Variants in DDN observed in about 807,000 individuals in gnomAD.
The protein encoded by DDN is dendrin.
In DDN, 4 loss-of-function variants were observed where a neutral mutation model predicts 7.3. The observed-to-expected ratio is 0.55, with a 90% CI of 0.27 to 1.25. DDN has a LOEUF of 1.25. DDN is among the 50% of genes most tolerant of loss of function. The probability of loss-of-function intolerance (pLI) is 0.12; values close to 1 mark genes in which losing one functional copy is unlikely to be tolerated. For synonymous variants in DDN, 425 were observed against 424.3 expected, an observed-to-expected ratio of 1.00 and a Z score of -0.02; for missense variants, 933 against 974.7, an observed-to-expected ratio of 0.96 and a Z score of 0.57.
At position 48,999,358 on chromosome 12, in the gene DDN, G is replaced by C; in HGVS notation, c.-71C>G. ...GAGCCCCCTCCCAGCCCAGGGAGCC[G>C]GCGCCCACTGCAGAGCCGCGGGCCC... On this transcript the variant is annotated 5_prime_UTR_variant, in exon 1 of 2. Coordinates refer to ENST00000421952, the MANE Select transcript of DDN (RefSeq NM_015086.2). The C allele has an allele frequency of 7.3e-7, 1 of 1,377,258 alleles. No homozygotes were observed. Among genetic ancestry groups the C allele is most frequent in the Non-Finnish European group, 9.6e-7 (1 of 1,038,838 alleles). The allele number at this position is 1,377,258 out of a possible 1,614,324, so 85.3% of individuals were successfully genotyped here.
rs1176659195 is a variant in DDN, at chr12:48,997,378, C to G, written c.1498G>C (p.Gly500Arg). ...PSQSKPGKEE[G>R]EGATVFPSPC... ...GAAGGAAAGACCGTGGCCCCTTCAC[C>G]CTCCTCCTTGCCGGGCTTCGATTGG... Residue 500 changes from glycine (G) to arginine (R), a missense_variant, in exon 2 of 2, where the codon GGT (glycine) becomes CGT (arginine). Transcript: ENST00000421952. 6.2e-7 allele frequency: 1 copy of G among 1,613,724 alleles called. No homozygotes were observed. Among genetic ancestry groups the G allele is most frequent in the African/African-American group, 1.3e-5 (1 of 75,078 alleles).
chr12:48,999,039 C>G, intron 1 of DDN, 40 bp downstream of exon 1: 1 of 1,607,554 alleles, frequency 6.2e-7, no homozygotes, highest in Non-Finnish European at 8.5e-7. Flanking sequence ...CCCCACTCCC[C>G]GCCCCACCAC....
In DDN at chr12:48,997,153, G is replaced by A. The variant is rs1167411232; in HGVS notation, c.1723C>T (p.Pro575Ser). Residue 575 changes from proline (P) to serine (S), a missense_variant, in exon 2 of 2, where the codon CCA (proline) becomes TCA (serine). Physicochemically the swap from Pro to Ser is moderately conservative, Grantham distance 74. Coordinates refer to ENST00000421952, the MANE Select transcript of DDN (RefSeq NM_015086.2). ...CTGCCCTGGGCTCCCGAAGCTGCTG[G>A]GCCTAAGGCTTGGTGCTCTGGGCTA... ...PGSPEHQALG[P>S]AASGAQGRAE... is the part of the protein sequence containing the mutation. 1.3e-6 allele frequency: 2 copies of A among 1,534,340 alleles called. No homozygotes were observed. The highest frequency in any genetic ancestry group is 2.8e-5 in the African/African-American group (2 of 72,172).
chr12:48,997,664 G>C lies in DDN; in HGVS notation c.1212C>G (p.Pro404=). Residue 404 remains proline (P), a synonymous_variant, in exon 2 of 2, where the codon CCC becomes CCG. Transcript: ENST00000421952. ...PPRHSQTLPR[P]WAPGGTGWRE... ...TCCATCCGGTGCCTCCGGGAGCCCAGGGTCTGGGGAGTGTCTGGCTATGGC... is the reference window on the plus strand; with the variant it reads ...TCCATCCGGTGCCTCCGGGAGCCCACGGTCTGGGGAGTGTCTGGCTATGGC... The C allele has an allele frequency of 6.4e-7, 1 of 1,554,056 alleles. No homozygotes were observed. Among genetic ancestry groups the C allele is most frequent in the Non-Finnish European group, 8.7e-7 (1 of 1,148,936 alleles).
In DDN at chr12:48,997,451, C is replaced by T. The variant is rs778003570; in HGVS notation, c.1425G>A (p.Val475=). 9 of 1,614,130 alleles carry T rather than the reference C, an allele frequency of 5.6e-6. No homozygotes were observed. In the South Asian group the frequency reaches 8.8e-5, roughly 16 times the overall value. The change falls in exon 2 of 2, where the codon GTG becomes GTA. Residue 475 remains valine (V), a synonymous_variant. Transcript: ENST00000421952. ...QYVPTPRTQQ[V]QLLPSGVTRV... is the part of the protein sequence containing the mutation. ...GTGTCACCCCAGAGGGCAAAAGCTG[C>T]ACCTGCTGGGTTCGGGGGGTTGGAA...
chr12:48,997,924 G>T lies in DDN; in HGVS notation c.952C>A (p.Leu318Met). 1 of 1,612,756 alleles carries T rather than the reference G, an allele frequency of 6.2e-7. No individual in the cohort carries two copies. ...EPGKGVVEKS[L>M]GLAAADLNSG... ...TTCAGGTCAGCAGCAGCCAGCCCCA[G>T]GCTTTTCTCCACGACCCCCTTGCCG... The change falls in exon 2 of 2, where the codon CTG (leucine) becomes ATG (methionine). Residue 318 changes from leucine to methionine, a missense_variant. By Grantham distance (15) the Leu-to-Met change is conservative (BLOSUM62 2). Coordinates refer to ENST00000421952, the MANE Select transcript of DDN (RefSeq NM_015086.2).
chr12:48,998,118 G>A lies in DDN; in HGVS notation c.758C>T (p.Thr253Ile). Reference protein sequence around the residue: ...KRGPGNSQVPTSSAPAATPAR... With the variant: ...KRGPGNSQVPISSAPAATPAR... ...TGGAGTCGCAGCTGGGGCTGATGAAGTGGGCACCTGAGAGTTCCCGGGGCC... is the reference window on the plus strand; with the variant it reads ...TGGAGTCGCAGCTGGGGCTGATGAAATGGGCACCTGAGAGTTCCCGGGGCC... The change falls in exon 2 of 2, where the codon ACT (threonine) becomes ATT (isoleucine). Residue 253 changes from threonine (T) to isoleucine (I), a missense_variant. Coordinates refer to ENST00000421952, the MANE Select transcript of DDN (RefSeq NM_015086.2). 6.2e-7 allele frequency: 1 copy of A among 1,613,838 alleles called. No individual in the cohort carries two copies. The highest frequency in any genetic ancestry group is 1.1e-5 in the South Asian group (1 of 91,092).
In DDN at chr12:48,999,244, C is replaced by T. The variant is rs777254322; in HGVS notation, c.44G>A (p.Arg15Gln). 8.3e-6 allele frequency: 13 copies of T among 1,569,604 alleles called. No individual in the cohort carries two copies. Among genetic ancestry groups the T allele is most frequent in the Middle Eastern group, 1.7e-4 (1 of 6,018 alleles). Residue 15 changes from arginine to glutamine, a missense_variant, in exon 1 of 2, where the codon CGG (arginine) becomes CAG (glutamine). Physicochemically the swap from Arg to Gln is conservative, Grantham distance 43. Coordinates refer to ENST00000421952, the MANE Select transcript of DDN (RefSeq NM_015086.2). ...PLFSEGPDSP[R>Q]ELQDEESGSC... ...GCCAGACTCCTCATCCTGGAGCTCC[C>T]GGGGGCTGTCAGGCCCCTCGGAGAA...
Position 48,997,389 on chromosome 12 carries a change from C to A in DDN, c.1487G>T (p.Gly496Val), listed in dbSNP as rs747450789. ...VGDSPSQSKP[G>V]KEEGEGATVF... is the part of the protein sequence containing the mutation. ...CGTGGCCCCTTCACCCTCCTCCTTG[C>A]CGGGCTTCGATTGGCTGGGGGAATC... is the stretch of plus-strand genomic sequence containing the variant. The change falls in exon 2 of 2, where the codon GGC (glycine) becomes GTC (valine). Residue 496 changes from glycine to valine, a missense_variant. Transcript: ENST00000421952. 6 of 1,613,924 alleles carry A rather than the reference C, an allele frequency of 3.7e-6. No homozygotes were observed. The highest frequency in any genetic ancestry group is 5.1e-6 in the Non-Finnish European group (6 of 1,179,970).
In DDN at chr12:48,999,248, G is replaced by A; in HGVS notation, c.40C>T (p.Pro14Ser). 1.1e-5 allele frequency: 17 copies of A among 1,565,522 alleles called. No individual in the cohort carries two copies. The highest frequency in any genetic ancestry group is 1.4e-5 in the Non-Finnish European group (16 of 1,154,878). ...GACTCCTCATCCTGGAGCTCCCGGG[G>A]GCTGTCAGGCCCCTCGGAGAACAGT... Reference protein sequence around the residue: ...GPLFSEGPDSPRELQDEESGS... With the variant: ...GPLFSEGPDSSRELQDEESGS... The change falls in exon 1 of 2, where the codon CCC becomes TCC. Residue 14 changes from proline (P) to serine (S), a missense_variant. Coordinates refer to ENST00000421952, the MANE Select transcript of DDN (RefSeq NM_015086.2).
Position 48,998,528 on chromosome 12 carries a change from C to A in DDN, c.348G>T (p.Ala116=). 1 of 1,594,540 alleles carries A rather than the reference C, an allele frequency of 6.3e-7. No individual in the cohort carries two copies. The highest frequency in any genetic ancestry group is 8.5e-7 in the Non-Finnish European group (1 of 1,177,584). The change falls in exon 2 of 2, where the codon GCG becomes GCT. Residue 116 remains alanine (A), a synonymous_variant. Coordinates refer to ENST00000421952, the MANE Select transcript of DDN (RefSeq NM_015086.2). ...TCTCCTTGGCCTCCCGCTCCTGCGA[C>A]GCCGCTTTCCTTTTCTCTTGCTCCC... The part of the protein sequence containing the change: ...RAREQEKRKA[A]SQEREAKETE...
chr12:48,997,746 C>T lies in DDN; in HGVS notation c.1130G>A (p.Gly377Glu), dbSNP rs1372063380. 10 of 1,604,344 alleles carry T rather than the reference C, an allele frequency of 6.2e-6. No individual in the cohort carries two copies. Among genetic ancestry groups the T allele is most frequent in the South Asian group, 1.1e-5 (1 of 90,004 alleles). ...GCATTTGGGAAACCAGATCTGTTCTCCTTCTTTCCCTTCCCTCGAGCCCTT... is the reference window on the plus strand; with the variant it reads ...GCATTTGGGAAACCAGATCTGTTCTTCTTCTTTCCCTTCCCTCGAGCCCTT... ...HLKGSREGKE[G>E]EQIWFPKCWI... The change falls in exon 2 of 2, where the codon GGA becomes GAA. Residue 377 changes from glycine (G) to glutamate (E), a missense_variant. Gly to Glu is a moderately conservative substitution (Grantham distance 98, BLOSUM62 -2). Transcript: ENST00000421952.
chr12:48,998,319 C>G lies in DDN; in HGVS notation c.557G>C (p.Gly186Ala). 1 of 1,567,854 alleles carries G rather than the reference C, an allele frequency of 6.4e-7. No individual in the cohort carries two copies. Among genetic ancestry groups the G allele is most frequent in the South Asian group, 1.1e-5 (1 of 87,292 alleles). Reference sequence around the variant, plus strand: ...TCCCCAGGGCCCCGCCCACGCCGACCCTGGGTCGCTCTGCGGCTGCGCGGA... The same window carrying G: ...TCCCCAGGGCCCCGCCCACGCCGACGCTGGGTCGCTCTGCGGCTGCGCGGA... ...RPSAQPQSDP[G>A]SAWAGPWGGR... The change falls in exon 2 of 2, where the codon GGG becomes GCG. Residue 186 changes from glycine (G) to alanine (A), a missense_variant. By Grantham distance (60) the Gly-to-Ala change is moderately conservative. Transcript: ENST00000421952.
Position 48,996,479 on chromosome 12 carries a change from A to G in DDN, c.*261T>C. 2.1e-6 allele frequency: 1 copy of G among 473,516 alleles called. No homozygotes were observed. Among genetic ancestry groups the G allele is most frequent in the Non-Finnish European group, 3.6e-6 (1 of 276,256 alleles). The allele number at this position is 473,516 out of a possible 1,614,324, so 29.3% of individuals were successfully genotyped here. A position where few individuals can be genotyped will look rare whatever the true frequency, so the allele number is the denominator to read the frequency against. ...GGCCTCTCTGCTCAGCTCCACACCC[A>G]GTGCATCAGCCCCTGCGAAGAGCTC... is the stretch of plus-strand genomic sequence containing the variant. On this transcript the variant is annotated 3_prime_UTR_variant, in exon 2 of 2. Coordinates refer to ENST00000421952, the MANE Select transcript of DDN (RefSeq NM_015086.2).
chr12:48,999,227 C>T lies in DDN; in HGVS notation c.61G>A (p.Glu21Lys). 1 of 1,590,838 alleles carries T rather than the reference C, an allele frequency of 6.3e-7. No homozygotes were observed. Among genetic ancestry groups the T allele is most frequent in the Non-Finnish European group, 8.6e-7 (1 of 1,168,604 alleles). ...TGCACCCAGAGGCAGCTGCCAGACTCCTCATCCTGGAGCTCCCGGGGGCTG... is the reference window on the plus strand; with the variant it reads ...TGCACCCAGAGGCAGCTGCCAGACTTCTCATCCTGGAGCTCCCGGGGGCTG... ...PDSPRELQDE[E>K]SGSCLWVQKS... is the part of the protein sequence containing the mutation. The change falls in exon 1 of 2, where the codon GAG (glutamate) becomes AAG (lysine). Residue 21 changes from glutamate to lysine, a missense_variant. Transcript: ENST00000421952.
rs1378311028 is a variant in DDN at position 48,998,583 on chromosome 12, C to A, written c.293G>T (p.Arg98Leu). The change falls in exon 2 of 2, where the codon CGG (arginine) becomes CTG (leucine). Residue 98 changes from arginine (R) to leucine (L), a missense_variant. Coordinates refer to ENST00000421952, the MANE Select transcript of DDN (RefSeq NM_015086.2). The stretch of plus-strand genomic sequence containing the variant: ...TCGGACCTCGGCCAGGGGCCCCGCC[C>A]GCCAGTTGGTCGCCTCCTGCAGCAC... ...SRVLQEATNW[R>L]AGPLAEVRAR... is the part of the protein sequence containing the mutation. The A allele has an allele frequency of 6.3e-7, 1 of 1,590,678 alleles. No individual in the cohort carries two copies. Among genetic ancestry groups the A allele is most frequent in the East Asian group, 2.3e-5 (1 of 44,000 alleles).
Position 48,996,780 on chromosome 12 carries a change from T to A in DDN, c.2096A>T (p.Asp699Val). The change falls in exon 2 of 2, where the codon GAC (aspartate) becomes GTC (valine). Residue 699 changes from aspartate to valine, a missense_variant. Transcript: ENST00000421952. ...QTEEVLFGVR[D>V]IRGTQQGNRK... ...ATTTCCCTGTTGGGTCCCTCTGATG[T>A]CCCTCACCCCGAAGAGGACCTCCTC... 1 of 1,614,116 alleles carries A rather than the reference T, an allele frequency of 6.2e-7. No homozygotes were observed. Among genetic ancestry groups the A allele is most frequent in the Non-Finnish European group, 8.5e-7 (1 of 1,179,996 alleles).
Position 48,996,493 on chromosome 12 carries a change from T to G in DDN, c.*247A>C. 1 of 546,228 alleles carries G rather than the reference T, an allele frequency of 1.8e-6. No homozygotes were observed. The highest frequency in any genetic ancestry group is 3.0e-6 in the Non-Finnish European group (1 of 330,962). The allele number at this position is 546,228 out of a possible 1,614,324, so 33.8% of individuals were successfully genotyped here. On this transcript the variant is annotated 3_prime_UTR_variant, in exon 2 of 2. Coordinates refer to ENST00000421952, the MANE Select transcript of DDN (RefSeq NM_015086.2). Reference sequence around the variant, plus strand: ...GCTCCACACCCAGTGCATCAGCCCCTGCGAAGAGCTCACCCTTGTGCCCTG... The same window carrying G: ...GCTCCACACCCAGTGCATCAGCCCCGGCGAAGAGCTCACCCTTGTGCCCTG...
rs1393410604 is a variant in DDN, at chr12:48,999,257, G to A, written c.31C>T (p.Pro11Ser). 1.3e-6 allele frequency: 2 copies of A among 1,556,820 alleles called. No individual in the cohort carries two copies. Among genetic ancestry groups the A allele is most frequent in the African/African-American group, 1.4e-5 (1 of 73,208 alleles). MLDGPLFSEG[P>S]DSPRELQDEE... is the part of the protein sequence containing the mutation. ...TCCTGGAGCTCCCGGGGGCTGTCAGGCCCCTCGGAGAACAGTGGGCCATCC... is the reference window on the plus strand; with the variant it reads ...TCCTGGAGCTCCCGGGGGCTGTCAGACCCCTCGGAGAACAGTGGGCCATCC... Residue 11 changes from proline to serine, a missense_variant, in exon 1 of 2, where the codon CCT (proline) becomes TCT (serine). Pro to Ser is a moderately conservative substitution (Grantham distance 74). Transcript: ENST00000421952.
Sources: gnomAD v4.1 joint callset for allele counts on GRCh38, gnomAD v4.1.1 for gene constraint, MANE v1.5 for transcripts, NCBI Gene and HGNC (gene_info 2026-07-23, HGNC 2026-07-21) for gene names.